The following SNF8 variants were observed in gnomAD, a reference collection of about 807,000 sequenced individuals.
SNF8 encodes the protein vacuolar-sorting protein SNF8.
A neutral mutation model predicts 36.8 loss-of-function variants in SNF8; 19 were observed. The ratio of observed to expected loss-of-function variants is 0.52; its 90% CI spans 0.36 to 0.76. SNF8 has a LOEUF of 0.76. Ranked by LOEUF, SNF8 falls within the 30% of genes least tolerant of loss-of-function variation. The pLI is 0.00. For synonymous variants in SNF8, 127 were observed against 127.4 expected, an observed-to-expected ratio of 1.00 and a Z score of 0.02; for missense variants, 268 against 322.9, an observed-to-expected ratio of 0.83 and a Z score of 1.30.
chr17:48,936,381 A>C, intron 4 of SNF8, 139 bp from the exon 5 acceptor site: 1 of 640,148 alleles, frequency 1.6e-6, no homozygotes, highest in Non-Finnish European at 2.8e-6. Flanking sequence ...CTCCTTATGA[A>C]ATAACTGACC....
intron 3 of SNF8, among the ~76,000 whole-genome samples, chr17:48,937,631 A>AAAG (rs2040955641): frequency 7.1e-6 from 1 of 140,500 alleles, no homozygotes; most frequent in Non-Finnish European, 1.6e-5. Flanking sequence ...ACTCTCTCTC[A>AAAG]AAAAAAAAAA....
At chr17:48,940,566 G>A (rs1448372684) in intron 3 of SNF8, among the ~76,000 whole-genome samples, 2 of 151,822 alleles carry the variant, frequency 1.3e-5, no homozygotes, top group Non-Finnish European at 2.9e-5. Context: ...CGAGGCGGGC[G>A]GATCACGAGG....
At chr17:48,936,830 C>T in intron 4 of SNF8, 190 bp downstream of exon 4, 1 of 616,012 alleles carries the variant, frequency 1.6e-6, no homozygotes, top group Non-Finnish European at 2.9e-6. Context: ...AGAACAGAGA[C>T]AATCGTTCAG....
chr17:48,941,980 C>T (rs188697000), intron 2 of SNF8, among the ~76,000 whole-genome samples: 2 of 151,916 alleles, frequency 1.3e-5, no homozygotes, highest in East Asian at 1.9e-4. Flanking sequence ...TGTGAGCCAC[C>T]GCACAGGGCC....
chr17:48,939,660 C>T (rs891766810), intron 3 of SNF8, among the ~76,000 whole-genome samples: 8 of 151,662 alleles, frequency 5.3e-5, no homozygotes, highest in East Asian at 2.0e-4. Context: ...AGGGTTTCAC[C>T]GTGTTAGCCA....
chr17:48,942,337 C>CAA (rs199516410), intron 2 of SNF8, among the ~76,000 whole-genome samples: 4 of 113,422 alleles, frequency 3.5e-5, no homozygotes, highest in Non-Finnish European at 1.9e-5. Flanking sequence ...AACTTGGTCT[C>CAA]AAAAAAAAAA....
At chr17:48,939,974 C>G (rs545990407) in intron 3 of SNF8, among the ~76,000 whole-genome samples, 25 of 146,488 alleles carry the variant, frequency 1.7e-4, no homozygotes, top group Non-Finnish European at 2.8e-4. Context: ...ACTTGGGAGG[C>G]TGAAGCACAA....
At position 48,944,665 on chromosome 17, in the gene SNF8, C is replaced by T; in HGVS notation, c.54+16G>A. On this transcript the variant is annotated intron_variant, in intron 1 of 7. Coordinates refer to ENST00000502492, the MANE Select transcript of SNF8 (RefSeq NM_007241.4). ...GGGTCAGGGGCAGGTTGTGGGTCGG[C>T]CTTCTTCCTGCTCACCTCTGCAAGT... is the stretch of plus-strand genomic sequence containing the variant. The T allele has an allele frequency of 6.2e-7, 1 of 1,612,484 alleles. No homozygotes were observed. Among genetic ancestry groups the T allele is most frequent in the Admixed American group, 1.7e-5 (1 of 59,958 alleles).
intron 2 of SNF8, among the ~76,000 whole-genome samples, chr17:48,942,452 T>A (rs1403209767): frequency 3.3e-5 from 5 of 152,118 alleles, no homozygotes; most frequent in Non-Finnish European, 1.5e-5. Context: ...GGGTTTACTA[T>A]TTTTCCTCAG....
intron 3 of SNF8, 40 bp from the exon 4 acceptor site, chr17:48,937,164 T>G (rs2040947256): frequency 6.4e-6 from 9 of 1,412,668 alleles, no homozygotes; most frequent in African/African-American, 2.8e-5. Context: ...ATTGATTAAT[T>G]TACATCCCTT....
intron 3 of SNF8, among the ~76,000 whole-genome samples, chr17:48,937,978 A>G (rs2040961195): frequency 6.6e-6 from 1 of 151,888 alleles, no homozygotes; most frequent in Non-Finnish European, 1.5e-5. Context: ...AATAAAACAA[A>G]AGTCATTTCT....
At chr17:48,936,954 T>C (rs1281362183) in intron 4 of SNF8, 66 bp downstream of exon 4, 2 of 1,180,442 alleles carry the variant, frequency 1.7e-6, no homozygotes, top group African/African-American at 3.0e-5. Flanking sequence ...GAAACGATAA[T>C]CTTTTACGGT....
intron 1 of SNF8, 41 bp downstream of exon 1, chr17:48,944,640 G>C (rs1258393841): frequency 2.5e-6 from 4 of 1,599,828 alleles, no homozygotes; most frequent in Admixed American, 3.3e-5. Flanking sequence ...AGTCTCGCAC[G>C]GGTCAGGGGC....
chr17:48,944,681 C>T lies in SNF8; in HGVS notation c.54G>A (p.Glu18=), dbSNP rs1267809395. The change falls in exon 1 of 8, where the codon GAG becomes GAA. Residue 18 remains glutamate, a splice_region_variant and synonymous_variant. Transcript: ENST00000502492. ...AGAIAKKKLA[E]AKYKERGTVL... ...GTGGGTCGGCCTTCTTCCTGCTCAC[C>T]TCTGCAAGTTTCTTCTTGGCGATGG... 6.2e-7 allele frequency: 1 copy of T among 1,612,756 alleles called. No homozygotes were observed. The highest frequency in any genetic ancestry group is 2.2e-5 in the East Asian group (1 of 44,636).
intron 5 of SNF8, 135 bp downstream of exon 5, chr17:48,936,035 T>TG: frequency 1.5e-6 from 1 of 657,308 alleles, no homozygotes; most frequent in South Asian, 1.9e-5. Flanking sequence ...TTTTTTGTTT[T>TG]TTTTTTTCCT....
intron 7 of SNF8, 33 bp downstream of exon 7, chr17:48,931,610 C>G: frequency 3.2e-6 from 5 of 1,580,796 alleles, no homozygotes; most frequent in African/African-American, 1.4e-5. Flanking sequence ...TGGGGCCTGC[C>G]TGTCTTTTCT....
intron 5 of SNF8, chr17:48,934,475 G>A: frequency 9.2e-6 from 2 of 218,452 alleles, no homozygotes; most frequent in Non-Finnish European, 1.9e-5. Context: ...CCAGTGGCAG[G>A]TACCTGTAAT....
chr17:48,929,333 G>A lies in SNF8; in HGVS notation c.*1142C>T, dbSNP rs2040822690. On this transcript the variant is annotated 3_prime_UTR_variant, in exon 8 of 8. Coordinates refer to ENST00000502492, the MANE Select transcript of SNF8 (RefSeq NM_007241.4). Reference sequence around the variant, plus strand: ...AGACCTATTCCAGAGCTTGGAGTGAGCATGTCCTACAAGGATAGGCAGAGG... The same window carrying A: ...AGACCTATTCCAGAGCTTGGAGTGAACATGTCCTACAAGGATAGGCAGAGG... 6.6e-6 allele frequency: 1 copy of A among 152,200 alleles called. No individual in the cohort carries two copies. The highest frequency in any genetic ancestry group is 2.1e-4 in the South Asian group (1 of 4,828). The allele number at this position is 152,200 out of a possible 1,614,324, so 9.4% of individuals were successfully genotyped here.
chr17:48,938,651 C>T (rs1037455176), intron 3 of SNF8, among the ~76,000 whole-genome samples: 3 of 152,190 alleles, frequency 2.0e-5, no homozygotes, highest in Non-Finnish European at 4.4e-5. Context: ...GGGCAGATCA[C>T]GAGGTCAGGA....
Sources: allele counts gnomAD v4.1 joint callset (sites outside exome capture counted in the v4.1 genomes callset), GRCh38; gene constraint gnomAD v4.1.1; transcripts MANE v1.5; gene names NCBI Gene and HGNC (gene_info 2026-07-23, HGNC 2026-07-21).